QSOX1: variants seen among roughly 807,000 people sequenced by gnomAD.
QSOX1 encodes the protein quiescin sulfhydryl oxidase 1.
QSOX1 carries 40 observed loss-of-function variants against 76.1 expected under a neutral mutation model. The ratio of observed to expected loss-of-function variants is 0.53; its 90% CI spans 0.41 to 0.68. The LOEUF (loss-of-function observed/expected upper bound fraction) is 0.68, where lower values mean the gene tolerates loss of function less well. Among genes scored for constraint, QSOX1 ranks in the 30% least tolerant of loss-of-function variants. QSOX1 has a pLI of 0.00. For synonymous variants in QSOX1, 392 were observed against 413.1 expected, an observed-to-expected ratio of 0.95 and a Z score of 0.62; for missense variants, 931 against 974.3, an observed-to-expected ratio of 0.96 and a Z score of 0.59.
intron 5 of QSOX1, among the ~76,000 whole-genome samples, chr1:180,181,142 G>T (rs1663023553): frequency 6.6e-6 from 1 of 152,090 alleles, no homozygotes; most frequent in Non-Finnish European, 1.5e-5. Flanking sequence ...TGCAATACAG[G>T]TTAGCTAGTG....
At chr1:180,167,954 G>A (rs1438238464) in intron 2 of QSOX1, among the ~76,000 whole-genome samples, 3 of 152,336 alleles carry the variant, frequency 2.0e-5, no homozygotes, top group South Asian at 2.1e-4. Flanking sequence ...GTGGCACAAG[G>A]AACCATCATT....
intron 11 of QSOX1, among the ~76,000 whole-genome samples, chr1:180,195,224 G>A (rs1244112292): frequency 6.6e-6 from 1 of 152,078 alleles, no homozygotes; most frequent in Non-Finnish European, 1.5e-5. Flanking sequence ...GGAGGGCCAG[G>A]AGCCTGGGCC....
chr1:180,155,922 G>A (rs1014472764), intron 1 of QSOX1, among the ~76,000 whole-genome samples: 7 of 152,144 alleles, frequency 4.6e-5, no homozygotes, highest in Non-Finnish European at 1.0e-4. Flanking sequence ...CCTGGTTGGG[G>A]CACCAAAACT....
chr1:180,158,273 G>A (rs142134885), intron 1 of QSOX1, among the ~76,000 whole-genome samples: 1 of 152,316 alleles, frequency 6.6e-6, no homozygotes, highest in African/African-American at 2.4e-5. Flanking sequence ...TGGAGGTGAG[G>A]TTCGTAAGGC....
chr1:180,197,660 T>G lies in QSOX1; in HGVS notation c.*623T>G. On this transcript the variant is annotated 3_prime_UTR_variant, in exon 12 of 12. Transcript: ENST00000367602. The stretch of plus-strand genomic sequence containing the variant: ...GTCTCCCAGGTGAGGCAAGCCATGG[T>G]TGCTGGGCTGTAGGGTGAGTGGCTT... The G allele has an allele frequency of 2.3e-6, 1 of 433,994 alleles. No individual in the cohort carries two copies. Among genetic ancestry groups the G allele is most frequent in the East Asian group, 4.6e-5 (1 of 21,830 alleles). The allele number at this position is 433,994 out of a possible 1,614,324, so 26.9% of individuals were successfully genotyped here. A position where few individuals can be genotyped will look rare whatever the true frequency, so the allele number is the denominator to read the frequency against.
rs1318468651 is a variant in QSOX1, at chr1:180,175,949, A to C, written c.431A>C (p.Gln144Pro). Residue 144 changes from glutamine (Q) to proline (P), a missense_variant, in exon 4 of 12, where the codon CAG (glutamine) becomes CCG (proline). Physicochemically the swap from Gln to Pro is moderately conservative, Grantham distance 76 (BLOSUM62 -1). Coordinates refer to ENST00000367602, the MANE Select transcript of QSOX1 (RefSeq NM_002826.5). ...AVFPVAGADV[Q>P]TLRERLIDAL... The stretch of plus-strand genomic sequence containing the variant: ...TTTACAGTGGCTGGTGCTGACGTGC[A>C]GACACTGCGGGAGAGGCTCATTGAC... The C allele has an allele frequency of 1.9e-6, 3 of 1,596,236 alleles. No homozygotes were observed. The highest frequency in any genetic ancestry group is 1.8e-5 in the Admixed American group (1 of 56,620).
intron 7 of QSOX1, 141 bp downstream of exon 7, chr1:180,184,191 C>G: frequency 8.6e-7 from 1 of 1,165,244 alleles, no homozygotes; most frequent in South Asian, 1.5e-5. Flanking sequence ...CTGTCCCCCA[C>G]CCTGGGGTCT....
At chr1:180,192,456 A>T (rs1416357196) in intron 10 of QSOX1, among the ~76,000 whole-genome samples, 1 of 152,180 alleles carries the variant, frequency 6.6e-6, no homozygotes, top group East Asian at 1.9e-4. Context: ...CTGAGGAGCA[A>T]GCTGCATGCT....
intron 2 of QSOX1, among the ~76,000 whole-genome samples, chr1:180,167,090 G>A (rs1021317854): frequency 5.9e-5 from 9 of 152,220 alleles, no homozygotes; most frequent in Non-Finnish European, 7.3e-5. Flanking sequence ...AAAGTGGCAC[G>A]AGATCTCTGA....
intron 5 of QSOX1, 49 bp from the exon 6 acceptor site, chr1:180,182,125 C>G (rs566169651): frequency 6.2e-7 from 1 of 1,602,478 alleles, no homozygotes; most frequent in Non-Finnish European, 8.5e-7. Flanking sequence ...CCAGCCCTGG[C>G]TCCCTCCACC....
rs530373947 is a variant in QSOX1 at position 180,203,722 on chromosome 1, A to G, written c.*6685A>G. 10 of 152,342 alleles carry G rather than the reference A, an allele frequency of 6.6e-5. No individual in the cohort carries two copies. In the East Asian group the frequency reaches 1.9e-3, roughly 29 times the overall value. The allele number at this position is 152,342 out of a possible 1,614,324, so 9.4% of individuals were successfully genotyped here. A position where few individuals can be genotyped will look rare whatever the true frequency, so the allele number is the denominator to read the frequency against. ...TAGTTAGGAGTATATTCATATAACAAGTGGCTAAGTGTCAGTTACAGCCTC... is the reference window on the plus strand; with the variant it reads ...TAGTTAGGAGTATATTCATATAACAGGTGGCTAAGTGTCAGTTACAGCCTC... On this transcript the variant is annotated 3_prime_UTR_variant, in exon 12 of 12. Transcript: ENST00000367602.
Position 180,196,473 on chromosome 1 carries a change from C to T in QSOX1, c.1680C>T (p.Ala560=), listed in dbSNP as rs61738533. 1.2e-5 allele frequency: 20 copies of T among 1,613,754 alleles called. No homozygotes were observed. Among genetic ancestry groups the T allele is most frequent in the African/African-American group, 8.0e-5 (6 of 75,016 alleles). The change falls in exon 12 of 12, where the codon GCC becomes GCT. Residue 560 remains alanine, a synonymous_variant. Coordinates refer to ENST00000367602, the MANE Select transcript of QSOX1 (RefSeq NM_002826.5). The surrounding 1 kb of genome is among the most constrained non-coding windows in gnomAD (Gnocchi z 4.1). Reference sequence around the variant, plus strand: ...GGAGGGATGTGCAGAATGTGGCAGCCGCCCCAGAGCTGGCGATGGGAGCCC... The same window carrying T: ...GGAGGGATGTGCAGAATGTGGCAGCTGCCCCAGAGCTGGCGATGGGAGCCC... ...AARRDVQNVA[A]APELAMGALE...
intron 2 of QSOX1, among the ~76,000 whole-genome samples, chr1:180,171,230 G>A (rs1342082479): frequency 2.6e-5 from 4 of 152,208 alleles, no homozygotes; most frequent in Non-Finnish European, 5.9e-5. Context: ...GTCATCATCT[G>A]TCGGGCCTGG....
At position 180,201,902 on chromosome 1, in the gene QSOX1, G is replaced by A. The variant is rs1259340388; in HGVS notation, c.*4865G>A. On this transcript the variant is annotated 3_prime_UTR_variant, in exon 12 of 12. Transcript: ENST00000367602. ...GGCCCCACTCGCAGCCTTGGCCTCT[G>A]CCCTGCAGAAGAATTCCCTGTAACT... The A allele has an allele frequency of 6.6e-6, 1 of 152,274 alleles. No individual in the cohort carries two copies. The highest frequency in any genetic ancestry group is 1.5e-5 in the Non-Finnish European group (1 of 68,076). 9.4% of individuals were successfully genotyped at this position (152,274 alleles called of 1,614,324 possible). A position where few individuals can be genotyped will look rare whatever the true frequency, so the allele number is the denominator to read the frequency against.
In QSOX1 at chr1:180,178,877, G is replaced by C. The variant is rs17855475; in HGVS notation, c.599G>C (p.Gly200Ala). 0.15 allele frequency: 236,286 copies of C among 1,612,680 alleles called. 18,710 individuals carry two copies. The highest frequency in any genetic ancestry group is 0.16 in the South Asian group (14,378 of 91,062). ...LIFEKGGSYL[G>A]REVALDLSQH... ...TTTGAAAAGGGAGGCTCCTACCTGGGTAGAGAGGTGAGCTGCCCTGAAGTT... is the reference window on the plus strand; with the variant it reads ...TTTGAAAAGGGAGGCTCCTACCTGGCTAGAGAGGTGAGCTGCCCTGAAGTT... Residue 200 changes from glycine (G) to alanine (A), a missense_variant, in exon 5 of 12, where the codon GGT becomes GCT. By Grantham distance (60) the Gly-to-Ala change is moderately conservative. Coordinates refer to ENST00000367602, the MANE Select transcript of QSOX1 (RefSeq NM_002826.5).
chr1:180,196,392 C>T lies in QSOX1; in HGVS notation c.1599C>T (p.Ala533=). The T allele has an allele frequency of 6.2e-7, 1 of 1,614,198 alleles. No individual in the cohort carries two copies. Among genetic ancestry groups the T allele is most frequent in the Non-Finnish European group, 8.5e-7 (1 of 1,180,042 alleles). The change falls in exon 12 of 12, where the codon GCC becomes GCT. Residue 533 remains alanine (A), a synonymous_variant. Transcript: ENST00000367602. This position sits in a 1 kb window ranked among gnomAD's most constrained non-coding sequence, Gnocchi z 4.1. ...DVEATLNFLK[A]HFSPSNIILD... is the part of the protein sequence containing the mutation. ...AAGCCACCCTCAACTTCCTCAAGGCCCACTTCTCCCCAAGCAACATCATCC... is the reference window on the plus strand; with the variant it reads ...AAGCCACCCTCAACTTCCTCAAGGCTCACTTCTCCCCAAGCAACATCATCC...
chr1:180,198,891 A>G lies in QSOX1; in HGVS notation c.*1854A>G, dbSNP rs560111479. Reference sequence around the variant, plus strand: ...CCCACTGCACCAAGGCCGCTGAATAAGCCTGCCCTTCACCCCCTAAGGGCT... The same window carrying G: ...CCCACTGCACCAAGGCCGCTGAATAGGCCTGCCCTTCACCCCCTAAGGGCT... On this transcript the variant is annotated 3_prime_UTR_variant, in exon 12 of 12. Transcript: ENST00000367602. 6.1e-6 allele frequency: 1 copy of G among 164,722 alleles called. No individual in the cohort carries two copies. Among genetic ancestry groups the G allele is most frequent in the East Asian group, 1.7e-4 (1 of 6,048 alleles). The allele number at this position is 164,722 out of a possible 1,614,324, so 10.2% of individuals were successfully genotyped here.
At chr1:180,184,744 C>T (rs985273341) in intron 7 of QSOX1, among the ~76,000 whole-genome samples, 5 of 152,130 alleles carry the variant, frequency 3.3e-5, no homozygotes, top group Admixed American at 2.0e-4. Context: ...CTGGCCAGGA[C>T]GGTGCCCCTC....
chr1:180,176,825 G>A (rs1482656146), intron 4 of QSOX1, among the ~76,000 whole-genome samples: 1 of 152,238 alleles, frequency 6.6e-6, no homozygotes, highest in African/African-American at 2.4e-5. Context: ...GAGGCCCCAG[G>A]TGCTAAGAAG....
Sources: gnomAD v4.1 joint callset for allele counts (sites outside exome capture counted in the v4.1 genomes callset) on GRCh38, gnomAD v4.1.1 for gene constraint, Gnocchi (gnomAD v3.1) non-coding constraint, MANE v1.5 for transcripts, NCBI Gene and HGNC (gene_info 2026-07-23, HGNC 2026-07-21) for gene names.